MAOA: variants seen among roughly 807,000 people sequenced by gnomAD.
The protein encoded by MAOA is monoamine oxidase A.
MAOA carries 6 observed loss-of-function variants against 42.0 expected under a neutral mutation model. That is an observed-to-expected ratio of 0.14 (90% CI 0.08 to 0.28). The LOEUF (loss-of-function observed/expected upper bound fraction) is 0.28. Ranked by LOEUF, MAOA falls within the 10% of genes least tolerant of loss-of-function variation. The probability of loss-of-function intolerance (pLI) is 1.00; values close to 1 mark genes in which losing one functional copy is unlikely to be tolerated. For missense variants in MAOA, 262 were observed against 422.3 expected (o/e 0.62, Z 3.33); for synonymous variants, 140 against 154.0 (o/e 0.91, Z 0.67).
intron 1 of MAOA, among the ~76,000 whole-genome samples, chrX:43,677,005 T>C (rs1320013564): frequency 1.8e-5 from 2 of 111,277 alleles, no homozygotes; most frequent in South Asian, 3.8e-4. Flanking sequence ...AGAAATCACA[T>C]AGGAGCTGAA....
At chrX:43,664,011 A>G (rs2033256688) in intron 1 of MAOA, among the ~76,000 whole-genome samples, 2 of 112,308 alleles carry the variant, frequency 1.8e-5, no homozygotes, top group South Asian at 7.3e-4. Flanking sequence ...CACCAGGCCA[A>G]TGTTCTGGAA....
chrX:43,719,440 C>T (rs1367008784), intron 5 of MAOA, among the ~76,000 whole-genome samples: 4 of 110,262 alleles, frequency 3.6e-5, no homozygotes, highest in African/African-American at 6.6e-5. Flanking sequence ...GTTAGAGGTC[C>T]GGGGGATACC....
intron 1 of MAOA, among the ~76,000 whole-genome samples, chrX:43,657,189 A>G (rs1256983602): frequency 2.1e-5 from 2 of 94,669 alleles, no homozygotes; most frequent in Non-Finnish European, 4.1e-5. Flanking sequence ...TTATATATAT[A>G]TATGAACTGT....
chrX:43,719,851 A>G (rs2033774641), intron 5 of MAOA, among the ~76,000 whole-genome samples: 1 of 109,540 alleles, frequency 9.1e-6, no homozygotes, highest in Admixed American at 9.7e-5. Context: ...ATCATCCTGA[A>G]ATGACCCGGA....
intron 1 of MAOA, among the ~76,000 whole-genome samples, chrX:43,669,827 G>C (rs1192631382): frequency 9.0e-6 from 1 of 111,682 alleles, no homozygotes; most frequent in Non-Finnish European, 1.9e-5. Context: ...CAATGAACTT[G>C]AGAATGTGTT....
At chrX:43,666,757 A>G (rs768097546) in intron 1 of MAOA, among the ~76,000 whole-genome samples, 8 of 111,192 alleles carry the variant, frequency 7.2e-5, no homozygotes, top group Non-Finnish European at 1.3e-4. Context: ...ACACTCTGTC[A>G]CTTAGTCTCT....
At chrX:43,713,638 C>T (rs2033715785) in intron 5 of MAOA, among the ~76,000 whole-genome samples, 1 of 111,508 alleles carries the variant, frequency 9.0e-6, no homozygotes, top group African/African-American at 3.3e-5. Context: ...TGGGGGTGAA[C>T]TTCTTAGGAA....
intron 5 of MAOA, among the ~76,000 whole-genome samples, chrX:43,715,487 G>A (rs1016820757): frequency 1.3e-4 from 14 of 110,349 alleles, no homozygotes; most frequent in Non-Finnish European, 1.9e-4. Flanking sequence ...ATATTGGGCC[G>A]CGGATAACTT....
chrX:43,690,282 T>C (rs1276386137), intron 2 of MAOA, among the ~76,000 whole-genome samples: 1 of 110,217 alleles, frequency 9.1e-6, no homozygotes, highest in East Asian at 2.8e-4. Context: ...TCTAGCAGTT[T>C]ACTCACTCTT....
intron 6 of MAOA, among the ~76,000 whole-genome samples, chrX:43,730,821 A>G (rs1319846559): frequency 1.8e-5 from 2 of 110,581 alleles, no homozygotes; most frequent in Non-Finnish European, 3.8e-5. Flanking sequence ...TGCCTGGACA[A>G]CCTCAGCCCA....
Position 43,744,675 on chromosome X carries a change from T to C in MAOA, c.*162T>C. 1 of 539,943 alleles carries C rather than the reference T, an allele frequency of 1.9e-6. No homozygotes were observed. Among genetic ancestry groups the C allele is most frequent in the Non-Finnish European group, 3.1e-6 (1 of 325,182 alleles). 44.5% of individuals were successfully genotyped at this position (539,943 alleles called of 1,213,427 possible). A position where few individuals can be genotyped will look rare whatever the true frequency, so the allele number is the denominator to read the frequency against. On this transcript the variant is annotated 3_prime_UTR_variant, in exon 15 of 15. Coordinates refer to ENST00000338702, the MANE Select transcript of MAOA (RefSeq NM_000240.4). ...GTTAAAGTAAAAACAATTCAAAGAA[T>C]CACCTAATTAATTTCAGTAAGATCA...
At chrX:43,710,139 C>T (rs1258748606) in intron 3 of MAOA, among the ~76,000 whole-genome samples, 1 of 112,125 alleles carries the variant, frequency 8.9e-6, no homozygotes, top group Admixed American at 9.5e-5. Flanking sequence ...ATAGCGCTTG[C>T]CTTCACAGGG....
chrX:43,677,330 AAC>A (rs1228601913), intron 1 of MAOA, among the ~76,000 whole-genome samples: 2 of 111,995 alleles, frequency 1.8e-5, no homozygotes, highest in Non-Finnish European at 3.8e-5. Context: ...AATTGGTGGT[AAC>A]ACAGTTTCTA....
chrX:43,685,046 T>G (rs2033476480), intron 2 of MAOA, among the ~76,000 whole-genome samples: 2 of 108,188 alleles, frequency 1.8e-5, no homozygotes, highest in African/African-American at 6.7e-5. Flanking sequence ...CGCCAGCCAA[T>G]TTTGTATTTT....
intron 10 of MAOA, 32 bp from the exon 11 acceptor site, chrX:43,740,649 T>G: frequency 8.8e-7 from 1 of 1,132,342 alleles, no homozygotes; most frequent in Non-Finnish European, 1.2e-6. Flanking sequence ...TCCCTAACTT[T>G]ATTTTTTTTT....
intron 3 of MAOA, among the ~76,000 whole-genome samples, chrX:43,711,411 C>T (rs1212603081): frequency 8.9e-6 from 1 of 111,860 alleles, no homozygotes; most frequent in African/African-American, 3.3e-5. Flanking sequence ...GACTTTAAAA[C>T]ACAGTATAAG....
intron 5 of MAOA, among the ~76,000 whole-genome samples, chrX:43,715,221 T>C (rs55825378): frequency 0.15 from 16,061 of 108,282 alleles, 2,094 homozygotes; most frequent in African/African-American, 0.43. Flanking sequence ...AGGAATGAGC[T>C]ACACTGGCAG....
At chrX:43,663,207 G>A (rs2033249604) in intron 1 of MAOA, among the ~76,000 whole-genome samples, 1 of 110,970 alleles carries the variant, frequency 9.0e-6, no homozygotes, top group African/African-American at 3.3e-5. Context: ...TGCATTATCT[G>A]TCATACTGAC....
chrX:43,677,438 C>T (rs1324439858), intron 1 of MAOA, among the ~76,000 whole-genome samples: 4 of 111,360 alleles, frequency 3.6e-5, no homozygotes, highest in Non-Finnish European at 3.8e-5. Flanking sequence ...CTCTCTTGAT[C>T]TAATAACCAG....
Sources: allele counts gnomAD v4.1 joint callset (sites outside exome capture counted in the v4.1 genomes callset), GRCh38; gene constraint gnomAD v4.1.1; transcripts MANE v1.5; gene names NCBI Gene and HGNC (gene_info 2026-07-23, HGNC 2026-07-21).